RERE: variants seen among roughly 807,000 people sequenced by gnomAD.
RERE encodes arginine-glutamic acid dipeptide repeats.
Under a neutral mutation model 146.1 loss-of-function variants are expected in RERE, and 40 were observed. The ratio of observed to expected loss-of-function variants is 0.27; its 90% CI spans 0.21 to 0.36. The LOEUF is 0.36. RERE is among the 10% of genes least tolerant of loss of function. The probability of loss-of-function intolerance (pLI) is 1.00; values close to 1 mark genes in which losing one functional copy is unlikely to be tolerated. For missense variants in RERE, 1,933 were observed against 2,138.7 expected (o/e 0.90, Z 1.90); for synonymous variants, 1,003 against 866.0 (o/e 1.16, Z -2.78).
At chr1:8,764,288 C>T (rs1041693620) in intron 1 of RERE, among the ~76,000 whole-genome samples, 6 of 152,132 alleles carry the variant, frequency 3.9e-5, no homozygotes, top group Non-Finnish European at 5.9e-5. Flanking sequence ...TGCAATGTGT[C>T]GCTCTCTATA....
chr1:8,433,933 C>T (rs2124484966), intron 11 of RERE, among the ~76,000 whole-genome samples: 1 of 152,282 alleles, frequency 6.6e-6, no homozygotes, highest in East Asian at 1.9e-4. Context: ...GGAGTAATAC[C>T]AAAGAGTTCT....
chr1:8,439,615 A>G (rs1220070639), intron 11 of RERE, among the ~76,000 whole-genome samples: 1 of 152,240 alleles, frequency 6.6e-6, no homozygotes, highest in Non-Finnish European at 1.5e-5. Flanking sequence ...CTCAGATGGA[A>G]AGGAGGAGCA....
intron 6 of RERE, among the ~76,000 whole-genome samples, chr1:8,555,329 C>CT (rs1645994098): frequency 6.6e-6 from 1 of 152,198 alleles, no homozygotes; most frequent in Non-Finnish European, 1.5e-5. Context: ...TCCATGTTGT[C>CT]TATTGCTTTT....
rs112551954 is a variant in RERE, at chr1:8,751,018, A to G, written c.-145+66142T>C. The G allele has an allele frequency of 2.9e-3, 1,810 of 629,202 alleles. 7 individuals are homozygous for G. The highest frequency in any genetic ancestry group is 4.3e-3 in the Non-Finnish European group (1,493 of 348,176). The allele number at this position is 629,202 out of a possible 1,614,324, so 39.0% of individuals were successfully genotyped here. A position where few individuals can be genotyped will look rare whatever the true frequency, so the allele number is the denominator to read the frequency against. The stretch of plus-strand genomic sequence containing the variant: ...TGATTCATGAGATCTAAACTATTGG[A>G]AAATGCTTCAAGGAAGCAAATAACT... On this transcript the variant is annotated intron_variant, in intron 1 of 22. Coordinates refer to ENST00000400908, the MANE Select transcript of RERE (RefSeq NM_001042681.2).
At chr1:8,539,617 G>GC (rs1645773471) in intron 7 of RERE, among the ~76,000 whole-genome samples, 1 of 152,096 alleles carries the variant, frequency 6.6e-6, no homozygotes, top group African/African-American at 2.4e-5. Flanking sequence ...CGTTGGCCAG[G>GC]CTGGTCTTAA....
At chr1:8,635,952 C>T (rs551378855) in intron 2 of RERE, among the ~76,000 whole-genome samples, 222 of 85,124 alleles carry the variant, frequency 2.6e-3, no homozygotes, top group African/African-American at 7.6e-3. Context: ...TTTATTTTAT[C>T]TTATCTTATC....
intron 2 of RERE, among the ~76,000 whole-genome samples, chr1:8,653,520 C>A (rs1390505986): frequency 6.6e-6 from 1 of 151,908 alleles, no homozygotes; most frequent in Non-Finnish European, 1.5e-5. Context: ...ACGGTGAAAC[C>A]CCGTCTCTAC....
At chr1:8,454,242 G>C (rs1277244986) in intron 11 of RERE, among the ~76,000 whole-genome samples, 1 of 152,224 alleles carries the variant, frequency 6.6e-6, no homozygotes, top group Non-Finnish European at 1.5e-5. Flanking sequence ...GGAGATCCCA[G>C]AACTTTCAGT....
At chr1:8,782,245 C>T (rs1641179200) in intron 1 of RERE, among the ~76,000 whole-genome samples, 1 of 152,084 alleles carries the variant, frequency 6.6e-6, no homozygotes, top group African/African-American at 2.4e-5. Flanking sequence ...TGACACACTT[C>T]ATCTACCCCT....
chr1:8,539,410 T>C (rs935251839), intron 7 of RERE, among the ~76,000 whole-genome samples: 1 of 152,148 alleles, frequency 6.6e-6, no homozygotes, highest in South Asian at 2.1e-4. Context: ...TCCTTTTTTT[T>C]TTCTTTTTTT....
chr1:8,539,641 C>G (rs550671981), intron 7 of RERE, among the ~76,000 whole-genome samples: 3 of 152,082 alleles, frequency 2.0e-5, no homozygotes, highest in African/African-American at 7.2e-5. Flanking sequence ...CCTGACCTCA[C>G]GATCCGCCCG....
At chr1:8,780,392 C>T (rs1557538661) in intron 1 of RERE, among the ~76,000 whole-genome samples, 1 of 152,138 alleles carries the variant, frequency 6.6e-6, no homozygotes, top group Non-Finnish European at 1.5e-5. Context: ...ATGCTGCATC[C>T]CAGTGGACTA....
chr1:8,439,853 ACCTGAGGTCAAAAGTTTGAGACCAG>A (rs1300934089), intron 11 of RERE, among the ~76,000 whole-genome samples: 1 of 151,838 alleles, frequency 6.6e-6, no homozygotes, highest in Non-Finnish European at 1.5e-5. Context: ...TGGGTGGATC[ACCTGAGGTCAAAAGTTTGAGACCAG>A]CCTGGCCAAC....
At chr1:8,801,718 G>A (rs1362567309) in intron 1 of RERE, among the ~76,000 whole-genome samples, 1 of 152,142 alleles carries the variant, frequency 6.6e-6, no homozygotes, top group Non-Finnish European at 1.5e-5. Flanking sequence ...CATATCTTTG[G>A]GGGCAATTTA....
At chr1:8,400,363 C>T (rs1267903142) in intron 12 of RERE, among the ~76,000 whole-genome samples, 1 of 151,914 alleles carries the variant, frequency 6.6e-6, no homozygotes, top group Non-Finnish European at 1.5e-5. Flanking sequence ...AGCAATCCTC[C>T]CACCTCAGCC....
At chr1:8,631,225 A>G (rs909299231) in intron 2 of RERE, among the ~76,000 whole-genome samples, 1 of 152,230 alleles carries the variant, frequency 6.6e-6, no homozygotes, top group Non-Finnish European at 1.5e-5. Context: ...TCAGATAATT[A>G]TCTTCCCAAC....
chr1:8,658,301 T>C (rs930723039), intron 1 of RERE, among the ~76,000 whole-genome samples: 3 of 152,194 alleles, frequency 2.0e-5, no homozygotes, highest in Non-Finnish European at 2.9e-5. Context: ...AATGCTCAAA[T>C]GCAACAAAAG....
At position 8,360,467 on chromosome 1, in the gene RERE, G is replaced by GGGGGGGGGC; in HGVS notation, c.3039_3040insGCCCCCCCC (p.Leu1013_Pro1014insAlaProPro). 1.7e-6 allele frequency: 1 copy of GGGGGGGGGC among 591,156 alleles called. No homozygotes were observed. The highest frequency in any genetic ancestry group is 2.6e-6 in the Non-Finnish European group (1 of 379,752). The allele number at this position is 591,156 out of a possible 1,614,324, so 36.6% of individuals were successfully genotyped here. A position where few individuals can be genotyped will look rare whatever the true frequency, so the allele number is the denominator to read the frequency against. ...GGGGGGTGGGAGGCAGGGGGCGGGG[G>GGGGGGGGGC]CAGGTTCTGGCTCTGGGTCAGCCCG... On this transcript the variant is annotated inframe_insertion, in exon 18 of 23. Coordinates refer to ENST00000400908, the MANE Select transcript of RERE (RefSeq NM_001042681.2).
intron 1 of RERE, among the ~76,000 whole-genome samples, chr1:8,670,280 A>G (rs577285041): frequency 1.3e-5 from 2 of 152,250 alleles, no homozygotes; most frequent in Admixed American, 1.3e-4. Context: ...GACCTAGAAC[A>G]TAACACTTAA....
Sources: gnomAD v4.1 joint callset for allele counts (sites outside exome capture counted in the v4.1 genomes callset) on GRCh38, gnomAD v4.1.1 for gene constraint, MANE v1.5 for transcripts, NCBI Gene and HGNC (gene_info 2026-07-23, HGNC 2026-07-21) for gene names.